Variants in SH3RF3 observed in about 807,000 individuals in gnomAD.
The protein encoded by SH3RF3 is E3 ubiquitin-protein ligase SH3RF3.
Under a neutral mutation model 66.3 loss-of-function variants are expected in SH3RF3, and 29 were observed. That is an observed-to-expected ratio of 0.44 (90% CI 0.33 to 0.60). The LOEUF is 0.60. Among genes scored for constraint, SH3RF3 ranks in the 20% least tolerant of loss-of-function variants. The pLI, the probability that SH3RF3 is intolerant of heterozygous loss-of-function variation, is 0.04. For missense variants in SH3RF3, 1,194 were observed against 1,190.9 expected (o/e 1.00, Z -0.04); for synonymous variants, 583 against 532.0 (o/e 1.10, Z -1.32).
At chr2:109,258,203 C>G (rs1680266559) in intron 1 of SH3RF3, among the ~76,000 whole-genome samples, 1 of 152,142 alleles carries the variant, frequency 6.6e-6, no homozygotes, top group Non-Finnish European at 1.5e-5. Flanking sequence ...TTAATAATGC[C>G]TAGTGGCCAG....
At chr2:109,341,076 G>A (rs1402019334) in intron 1 of SH3RF3, among the ~76,000 whole-genome samples, 2 of 152,126 alleles carry the variant, frequency 1.3e-5, no homozygotes, top group Non-Finnish European at 2.9e-5. Context: ...TTCATCCTTT[G>A]TCTTATTTCA....
At chr2:109,326,740 G>A (rs1682169226) in intron 1 of SH3RF3, among the ~76,000 whole-genome samples, 1 of 152,202 alleles carries the variant, frequency 6.6e-6, no homozygotes, top group Non-Finnish European at 1.5e-5. Flanking sequence ...GGTGTTTACT[G>A]CCACTGTTCT....
intron 1 of SH3RF3, among the ~76,000 whole-genome samples, chr2:109,325,979 T>C (rs1208067501): frequency 6.6e-6 from 1 of 152,250 alleles, no homozygotes; most frequent in Non-Finnish European, 1.5e-5. Flanking sequence ...GTATATGTCA[T>C]GTTTAAAGAA....
intron 1 of SH3RF3, among the ~76,000 whole-genome samples, chr2:109,190,645 C>G (rs1678328617): frequency 6.6e-6 from 1 of 152,124 alleles, no homozygotes; most frequent in African/African-American, 2.4e-5. Flanking sequence ...GAAAATCTTT[C>G]TTATTGTTTC....
intron 1 of SH3RF3, among the ~76,000 whole-genome samples, chr2:109,189,646 TG>T (rs1163955443): frequency 3.9e-5 from 6 of 152,292 alleles, no homozygotes; most frequent in Admixed American, 3.9e-4. Context: ...CCATATTCTC[TG>T]TTTTAAAAAT....
intron 1 of SH3RF3, among the ~76,000 whole-genome samples, chr2:109,196,422 C>T (rs1678500959): frequency 6.6e-6 from 1 of 152,214 alleles, no homozygotes; most frequent in Non-Finnish European, 1.5e-5. Flanking sequence ...CCTGCTGTGG[C>T]ATGGCTTCCA....
chr2:109,418,936 C>T (rs1203779355), intron 4 of SH3RF3, among the ~76,000 whole-genome samples: 1 of 152,026 alleles, frequency 6.6e-6, no homozygotes, highest in East Asian at 1.9e-4. Flanking sequence ...CCTCCCTCGG[C>T]CCCCCCACTG....
At chr2:109,244,627 A>G (rs1411733441) in intron 1 of SH3RF3, among the ~76,000 whole-genome samples, 2 of 152,242 alleles carry the variant, frequency 1.3e-5, no homozygotes, top group Non-Finnish European at 2.9e-5. Context: ...AATGCCAGTT[A>G]GCAGGAGAAG....
chr2:109,318,293 G>A (rs886559548), intron 1 of SH3RF3, among the ~76,000 whole-genome samples: 1 of 152,026 alleles, frequency 6.6e-6, no homozygotes, highest in Non-Finnish European at 1.5e-5. Context: ...CCATGCGACT[G>A]CTCCTCCTAG....
chr2:109,266,249 C>T (rs926584180), intron 1 of SH3RF3, among the ~76,000 whole-genome samples: 5 of 144,336 alleles, frequency 3.5e-5, no homozygotes, highest in African/African-American at 7.7e-5. Flanking sequence ...GTTGTGTGTG[C>T]TGTGTGTGTT....
At chr2:109,292,244 A>G (rs986043059) in intron 1 of SH3RF3, among the ~76,000 whole-genome samples, 3 of 152,260 alleles carry the variant, frequency 2.0e-5, no homozygotes, top group Non-Finnish European at 4.4e-5. Flanking sequence ...GTATAAATGT[A>G]TAAACATAAT....
chr2:109,436,306 C>A (rs183616732), intron 6 of SH3RF3, among the ~76,000 whole-genome samples: 40 of 152,324 alleles, frequency 2.6e-4, no homozygotes, highest in African/African-American at 6.7e-4. Flanking sequence ...CGTGAAAAGC[C>A]CCATTTCCAG....
At chr2:109,500,380 C>T (rs1425338503) in intron 9 of SH3RF3, among the ~76,000 whole-genome samples, 1 of 152,164 alleles carries the variant, frequency 6.6e-6, no homozygotes, top group Non-Finnish European at 1.5e-5. Flanking sequence ...AGCTCCAGCA[C>T]CTGCCACGCA....
intron 1 of SH3RF3, among the ~76,000 whole-genome samples, chr2:109,209,384 G>A (rs183994805): frequency 1.4e-4 from 22 of 152,318 alleles, no homozygotes; most frequent in Middle Eastern, 3.4e-3. Flanking sequence ...GATGCCCTGA[G>A]TGATAGTGTT....
At chr2:109,283,726 C>T (rs774281486) in intron 1 of SH3RF3, among the ~76,000 whole-genome samples, 1 of 152,210 alleles carries the variant, frequency 6.6e-6, no homozygotes, top group Non-Finnish European at 1.5e-5. Flanking sequence ...GATGCTAAAT[C>T]GCTGGCCTGA....
chr2:109,281,068 G>A (rs1215555356), intron 1 of SH3RF3, among the ~76,000 whole-genome samples: 1 of 152,180 alleles, frequency 6.6e-6, no homozygotes, highest in Non-Finnish European at 1.5e-5. Context: ...CCATGACAGG[G>A]CCAGAGAGAG....
intron 1 of SH3RF3, among the ~76,000 whole-genome samples, chr2:109,217,847 G>GCCCCCATCT (rs1679135871): frequency 6.6e-6 from 1 of 152,144 alleles, no homozygotes; most frequent in Admixed American, 6.5e-5. Flanking sequence ...AGGCAGGGGA[G>GCCCCCATCT]CCCCCATCTC....
At chr2:109,274,576 A>G (rs1012364610) in intron 1 of SH3RF3, among the ~76,000 whole-genome samples, 9 of 152,264 alleles carry the variant, frequency 5.9e-5, no homozygotes, top group African/African-American at 1.9e-4. Flanking sequence ...AGTATCCAGA[A>G]TAGGTAAATC....
At chr2:109,189,055 C>T (rs1449724403) in intron 1 of SH3RF3, among the ~76,000 whole-genome samples, 1 of 152,154 alleles carries the variant, frequency 6.6e-6, no homozygotes, top group Non-Finnish European at 1.5e-5. Context: ...ATAGGAGTCC[C>T]TCCAGTGGAA....
Sources: allele counts gnomAD v4.1 joint callset (sites outside exome capture counted in the v4.1 genomes callset), GRCh38; gene constraint gnomAD v4.1.1; transcripts MANE v1.5; gene names NCBI Gene and HGNC (gene_info 2026-07-23, HGNC 2026-07-21).